NYAP2: variants seen among roughly 807,000 people sequenced by gnomAD.
NYAP2 encodes the protein neuronal tyrosine-phosphorylated phosphoinositide-3-kinase adapter 2.
A neutral mutation model predicts 50.4 loss-of-function variants in NYAP2; 23 were observed. The observed-to-expected ratio is 0.46, with a 90% CI of 0.33 to 0.65. The LOEUF is 0.65. Ranked by LOEUF, NYAP2 falls within the 30% of genes least tolerant of loss-of-function variation. The pLI, the probability that NYAP2 is intolerant of heterozygous loss-of-function variation, is 0.02. For missense variants in NYAP2, 885 were observed against 861.0 expected (o/e 1.03, Z -0.35); for synonymous variants, 394 against 365.2 (o/e 1.08, Z -0.90).
chr2:225,653,461 T>G (rs1349122333), exon 7 of NYAP2: 1 of 152,222 alleles, frequency 6.6e-6, no homozygotes, highest in African/African-American at 2.4e-5. Context: ...TTCTTCGTTT[T>G]TCAAAATGTA....
In NYAP2 at chr2:225,624,489, G is replaced by A. The variant is rs546451447; in HGVS notation, c.1619-2428G>A. On this transcript the variant is annotated intron_variant, in intron 5 of 6. Coordinates refer to ENST00000636099, the Ensembl canonical transcript of NYAP2. ...CTATTTGAGGCCAATTTTTACATGG[G>A]TGGTTGTTTAGCTTTTAGGATTATT... Among the ~76,000 whole-genome samples, 151 of 152,284 alleles carry A rather than the reference G, an allele frequency of 9.9e-4. 1 individual carries two copies. The highest frequency in any genetic ancestry group is 2.0e-3 in the Non-Finnish European group (135 of 68,024).
chr2:225,556,193 C>T (rs1259257801), intron 4 of NYAP2, among the ~76,000 whole-genome samples: 1 of 152,144 alleles, frequency 6.6e-6, no homozygotes, highest in Non-Finnish European at 1.5e-5. Context: ...TTAAAGTAAA[C>T]TTTCTCTTCT....
intron 4 of NYAP2, among the ~76,000 whole-genome samples, chr2:225,527,628 C>G (rs1271099728): frequency 3.3e-5 from 5 of 152,056 alleles, no homozygotes; most frequent in Admixed American, 2.6e-4. Flanking sequence ...TAACACAGGC[C>G]CACCCAGAAC....
At chr2:225,463,747 G>T (rs1689871862) in intron 3 of NYAP2, among the ~76,000 whole-genome samples, 2 of 152,166 alleles carry the variant, frequency 1.3e-5, no homozygotes, top group Non-Finnish European at 2.9e-5. Flanking sequence ...TCTTTTTTAG[G>T]AGACTTAGTA....
chr2:225,552,792 G>A (rs1217381046), intron 4 of NYAP2, among the ~76,000 whole-genome samples: 2 of 152,164 alleles, frequency 1.3e-5, no homozygotes, highest in Non-Finnish European at 2.9e-5. Flanking sequence ...GCAGATTCAA[G>A]TGATTCTTCC....
At chr2:225,463,413 C>T (rs1042875015) in intron 3 of NYAP2, among the ~76,000 whole-genome samples, 1 of 152,236 alleles carries the variant, frequency 6.6e-6, no homozygotes, top group South Asian at 2.1e-4. Context: ...ACTCATGTGT[C>T]TTTGATGAAC....
At chr2:225,519,687 C>T (rs933120154) in intron 4 of NYAP2, among the ~76,000 whole-genome samples, 3 of 152,088 alleles carry the variant, frequency 2.0e-5, no homozygotes, top group Non-Finnish European at 4.4e-5. Context: ...GACATTTGCG[C>T]TGGTTCCAAG....
the NYAP2 span, among the ~76,000 whole-genome samples, chr2:225,692,582 TTA>T: frequency 1.4e-3 from 208 of 151,966 alleles, 1 homozygote; most frequent in African/African-American, 4.7e-3. Context: ...CATGTATTTT[TTA>T]TATATATATA....
chr2:225,637,086 G>A (rs1693432728), intron 6 of NYAP2, among the ~76,000 whole-genome samples: 1 of 152,054 alleles, frequency 6.6e-6, no homozygotes, highest in Non-Finnish European at 1.5e-5. Context: ...TTATTATTAG[G>A]TAATAGTATA....
intron 5 of NYAP2, among the ~76,000 whole-genome samples, chr2:225,587,039 G>A (rs1692400447): frequency 6.6e-6 from 1 of 152,274 alleles, no homozygotes. Context: ...CAAGAGCAGG[G>A]AAGATTGTCT....
In NYAP2 at chr2:225,625,043, TAAAAAAAAA is replaced by T. The variant is rs386392796; in HGVS notation, c.1619-1853_1619-1845del. ...GTTGATAAGGATTTTAACCCAAGCGTAAAAAAAAAAAAAAAAAAAAAAAAAAAAATTCAG... is the reference window on the plus strand; with the variant it reads ...GTTGATAAGGATTTTAACCCAAGCGTAAAAAAAAAAAAAAAAAAAATTCAG... On this transcript the variant is annotated intron_variant, in intron 5 of 6. Coordinates refer to ENST00000636099, the Ensembl canonical transcript of NYAP2. Among the ~76,000 whole-genome samples the T allele has an allele frequency of 7.2e-3, 498 of 69,638 alleles. 6 individuals are homozygous for T. The highest frequency in any genetic ancestry group is 0.027 in the African/African-American group (457 of 16,790). 45.7% of individuals were successfully genotyped at this position (69,638 alleles called of 152,430 possible).
intron 3 of NYAP2, among the ~76,000 whole-genome samples, chr2:225,431,390 G>T (rs1695364017): frequency 6.6e-6 from 1 of 152,030 alleles, no homozygotes; most frequent in African/African-American, 2.4e-5. Context: ...TGTTTTTTGG[G>T]ACTCTGCTTA....
the NYAP2 span, among the ~76,000 whole-genome samples, chr2:225,690,087 T>C: frequency 1.3e-5 from 2 of 152,228 alleles, no homozygotes; most frequent in African/African-American, 2.4e-5. Context: ...TTCCTAGCCT[T>C]GAATTTATAC....
intron 5 of NYAP2, 40 bp downstream of exon 5, chr2:225,583,075 C>A: frequency 6.3e-7 from 1 of 1,583,872 alleles, no homozygotes; most frequent in Non-Finnish European, 8.6e-7. Context: ...GAGCCCAGTG[C>A]CAGGCTTACA....
At chr2:225,524,650 G>A (rs1368837543) in intron 4 of NYAP2, among the ~76,000 whole-genome samples, 1 of 152,128 alleles carries the variant, frequency 6.6e-6, no homozygotes, top group Non-Finnish European at 1.5e-5. Flanking sequence ...CAAGTCCTAG[G>A]AGAAAATTTA....
intron 4 of NYAP2, among the ~76,000 whole-genome samples, chr2:225,527,084 G>T (rs891130492): frequency 6.6e-6 from 1 of 152,170 alleles, no homozygotes; most frequent in African/African-American, 2.4e-5. Context: ...TGCCATGGTT[G>T]TTGTCCAGTC....
intron 4 of NYAP2, among the ~76,000 whole-genome samples, chr2:225,539,587 TA>T (rs1248071439): frequency 6.6e-6 from 1 of 152,260 alleles, no homozygotes; most frequent in Non-Finnish European, 1.5e-5. Context: ...TGCATTTTTC[TA>T]ATGACCAGTG....
intron 3 of NYAP2, among the ~76,000 whole-genome samples, chr2:225,460,090 C>A (rs1025278810): frequency 6.6e-6 from 1 of 152,152 alleles, no homozygotes; most frequent in Non-Finnish European, 1.5e-5. Context: ...ATTCACTCCT[C>A]TTTAGGTGTG....
chr2:225,608,822 G>T (rs1381586368), intron 5 of NYAP2, among the ~76,000 whole-genome samples: 2 of 152,066 alleles, frequency 1.3e-5, no homozygotes, highest in Non-Finnish European at 2.9e-5. Context: ...GTGAATAAAT[G>T]TGACTAGGGA....
Sources: allele counts gnomAD v4.1 joint callset (sites outside exome capture counted in the v4.1 genomes callset), GRCh38; gene constraint gnomAD v4.1.1; transcripts MANE v1.5; gene names NCBI Gene and HGNC (gene_info 2026-07-23, HGNC 2026-07-21).